KIF1A: variants seen among roughly 807,000 people sequenced by gnomAD.
KIF1A encodes the protein kinesin-like protein KIF1A.
KIF1A carries 46 observed loss-of-function variants against 227.3 expected under a neutral mutation model. The ratio of observed to expected loss-of-function variants is 0.20; its 90% CI spans 0.16 to 0.26. The LOEUF is 0.26. Among genes scored for constraint, KIF1A ranks in the 10% least tolerant of loss-of-function variants. The probability of loss-of-function intolerance (pLI) is 1.00; values close to 1 mark genes in which losing one functional copy is unlikely to be tolerated. For missense variants in KIF1A, 1,683 were observed against 2,485.9 expected (o/e 0.68, Z 6.87); for synonymous variants, 1,022 against 1,012.8 (o/e 1.01, Z -0.17).
chr2:240,761,761 GC>G (rs2050559839), intron 23 of KIF1A, among the ~76,000 whole-genome samples: 1 of 152,200 alleles, frequency 6.6e-6, no homozygotes, highest in South Asian at 2.1e-4. Flanking sequence ...CAAAGGAGAG[GC>G]CGCCACGAGC....
At chr2:240,755,581 A>G (rs1475583090) in intron 27 of KIF1A, among the ~76,000 whole-genome samples, 2 of 152,232 alleles carry the variant, frequency 1.3e-5, no homozygotes, top group East Asian at 3.9e-4. Context: ...TGCCAAACCA[A>G]AAAGATCAAG....
rs137997693 is a variant in KIF1A at position 240,745,511 on chromosome 2, G to A, written c.3381C>T (p.Ile1127=). The A allele has an allele frequency of 1.9e-6, 3 of 1,611,054 alleles. No individual in the cohort carries two copies. The East Asian group carries it at 6.7e-5, about 36-fold the overall frequency. ...YADIFCQFNF[I]HRHDEAFSTE... is the part of the protein sequence containing the mutation. ...TGGAGAAGGCCTCGTCGTGGCGGTGGATGAAGCTGCAAAGCAGAGGAGATG... is the reference window on the plus strand; with the variant it reads ...TGGAGAAGGCCTCGTCGTGGCGGTGAATGAAGCTGCAAAGCAGAGGAGATG... Residue 1127 remains isoleucine (I), a synonymous_variant, in exon 32 of 49, where the codon ATC becomes ATT. Coordinates refer to ENST00000498729, the MANE Select transcript of KIF1A (RefSeq NM_001244008.2).
At chr2:240,763,440 G>C in intron 20 of KIF1A, 94 bp from the exon 21 acceptor site, 1 of 1,221,694 alleles carries the variant, frequency 8.2e-7, no homozygotes, top group South Asian at 1.5e-5. Flanking sequence ...AGGGGAACGG[G>C]TGCAGGCACC....
chr2:240,760,144 T>C (rs1438094183), intron 25 of KIF1A, among the ~76,000 whole-genome samples: 2 of 152,148 alleles, frequency 1.3e-5, no homozygotes, highest in Non-Finnish European at 2.9e-5. Flanking sequence ...CCAGGCTTCC[T>C]CCTCACCACC....
intron 1 of KIF1A, among the ~76,000 whole-genome samples, chr2:240,819,522 C>T (rs2106393775): frequency 6.6e-6 from 1 of 152,138 alleles, no homozygotes; most frequent in South Asian, 2.1e-4. Flanking sequence ...CCCGCCCCGC[C>T]CGCCTGTTTT....
chr2:240,785,746 C>G (rs1395530573), intron 6 of KIF1A, among the ~76,000 whole-genome samples: 2 of 152,224 alleles, frequency 1.3e-5, no homozygotes, highest in Middle Eastern at 3.2e-3. Context: ...CACCCACCAG[C>G]CCTTGTGGGG....
In KIF1A at chr2:240,758,284, A is replaced by G. The variant is rs1160047649; in HGVS notation, c.2582+76T>C. On this transcript the variant is annotated intron_variant, in intron 26 of 48. Transcript: ENST00000498729. The surrounding 1 kb of genome is among the most constrained non-coding windows in gnomAD (Gnocchi z 5.2). ...TCAGGGCCGCTCCTTGTATCAGGCCAGGGCCCACTCCTACCCCCACTGCCA... is the reference window on the plus strand; with the variant it reads ...TCAGGGCCGCTCCTTGTATCAGGCCGGGGCCCACTCCTACCCCCACTGCCA... 1.6e-5 allele frequency: 24 copies of G among 1,505,414 alleles called. No individual in the cohort carries two copies. In the Admixed American group the frequency reaches 4.6e-4, roughly 29 times the overall value. The allele number at this position is 1,505,414 out of a possible 1,614,324, so 93.3% of individuals were successfully genotyped here. A position where few individuals can be genotyped will look rare whatever the true frequency, so the allele number is the denominator to read the frequency against.
intron 7 of KIF1A, 61 bp downstream of exon 7, chr2:240,784,928 C>A (rs1051701359): frequency 4.6e-5 from 64 of 1,393,274 alleles, no homozygotes; most frequent in South Asian, 1.2e-5. Flanking sequence ...CTGACCACCA[C>A]CCCTACCCTG....
chr2:240,720,716 T>C, intron 45 of KIF1A, 198 bp downstream of exon 45: 1 of 531,430 alleles, frequency 1.9e-6, no homozygotes, highest in South Asian at 3.5e-5. Flanking sequence ...CACACTAGGA[T>C]GGAGCTGGCG....
intron 11 of KIF1A, among the ~76,000 whole-genome samples, chr2:240,774,480 G>T (rs545554453): frequency 7.1e-6 from 1 of 141,384 alleles, no homozygotes; most frequent in African/African-American, 2.7e-5. Context: ...ACCAGGCACC[G>T]CTATTATTTC....
Position 240,773,246 on chromosome 2 carries a change from G to C in KIF1A, c.1048C>G (p.Arg350Gly), listed in dbSNP as rs387907259. The C allele has an allele frequency of 6.2e-7, 1 of 1,613,868 alleles. No homozygotes were observed. Among genetic ancestry groups the C allele is most frequent in the Non-Finnish European group, 8.5e-7 (1 of 1,179,806 alleles). Residue 350 changes from arginine to glycine, a missense_variant, in exon 13 of 49, where the codon CGG becomes GGG. Coordinates refer to ENST00000498729, the MANE Select transcript of KIF1A (RefSeq NM_001244008.2). ...GCATTGCAGCGGATCTGCTTGGCCC[G>C]GTCAGCATACCTGGGTGGCAGAGGG... The part of the protein sequence containing the change: ...ETLSTLRYAD[R>G]AKQIRCNAVI...
intron 1 of KIF1A, among the ~76,000 whole-genome samples, chr2:240,811,795 G>A (rs1197474632): frequency 1.3e-5 from 2 of 152,108 alleles, no homozygotes; most frequent in Non-Finnish European, 2.9e-5. Context: ...AGAAGATGCC[G>A]AGAAGCTGGT....
chr2:240,774,028 C>A (rs1487010091), intron 12 of KIF1A, among the ~76,000 whole-genome samples, 155 bp downstream of exon 12: 1 of 152,218 alleles, frequency 6.6e-6, no homozygotes, highest in Non-Finnish European at 1.5e-5. Flanking sequence ...GGCCCAGGAG[C>A]CTCAGAACAG....
intron 35 of KIF1A, 111 bp downstream of exon 35, chr2:240,741,158 G>A: frequency 1.4e-6 from 1 of 712,292 alleles, no homozygotes; most frequent in Non-Finnish European, 2.4e-6. Flanking sequence ...AACACCCGCT[G>A]GAAGAACGAC....
At chr2:240,779,227 TCCACACTCAGTC>T (rs1190298108) in intron 10 of KIF1A, among the ~76,000 whole-genome samples, 5 of 146,324 alleles carry the variant, frequency 3.4e-5, no homozygotes, top group African/African-American at 1.3e-4. Context: ...CACACTCAGT[TCCACACTCAGTC>T]CCTCACTCAG....
chr2:240,763,965 C>T (rs950443949), intron 20 of KIF1A, among the ~76,000 whole-genome samples: 1 of 152,218 alleles, frequency 6.6e-6, no homozygotes, highest in Non-Finnish European at 1.5e-5. Flanking sequence ...CCCTCCCACC[C>T]CAGCACCCGG....
At chr2:240,815,410 G>A (rs1189204870) in intron 1 of KIF1A, among the ~76,000 whole-genome samples, 2 of 152,158 alleles carry the variant, frequency 1.3e-5, no homozygotes, top group African/African-American at 2.4e-5. Flanking sequence ...GAGCAGTCCG[G>A]GGCCATGCCT....
At chr2:240,727,899 G>A (rs938355829) in intron 38 of KIF1A, among the ~76,000 whole-genome samples, 5 of 152,222 alleles carry the variant, frequency 3.3e-5, no homozygotes, top group African/African-American at 7.2e-5. Context: ...TCACAGGGAG[G>A]ACTGGTCATA....
At chr2:240,733,410 C>T (rs2046978201) in intron 38 of KIF1A, among the ~76,000 whole-genome samples, 1 of 152,150 alleles carries the variant, frequency 6.6e-6, no homozygotes, top group Admixed American at 6.5e-5. Flanking sequence ...CCTGCAGGGC[C>T]GTGCTCCCTC....
Sources: allele counts gnomAD v4.1 joint callset (sites outside exome capture counted in the v4.1 genomes callset), GRCh38; gene constraint gnomAD v4.1.1; non-coding constraint Gnocchi (gnomAD v3.1); transcripts MANE v1.5; gene names NCBI Gene and HGNC (gene_info 2026-07-23, HGNC 2026-07-21).